FBXO40: variants seen among roughly 807,000 people sequenced by gnomAD.
FBXO40 encodes F-box only protein 40.
Under a neutral mutation model 49.9 loss-of-function variants are expected in FBXO40, and 50 were observed. That is an observed-to-expected ratio of 1.00 (90% CI 0.80 to 1.27). The LOEUF is 1.27. Among genes scored for constraint, FBXO40 ranks in the 50% most tolerant of loss-of-function variants. The probability of loss-of-function intolerance (pLI) is 0.00; values close to 1 mark genes in which losing one functional copy is unlikely to be tolerated. For synonymous variants in FBXO40, 340 were observed against 320.2 expected (o/e 1.06, Z -0.66); for missense variants, 895 against 870.1 (o/e 1.03, Z -0.36).
intron 1 of FBXO40, among the ~76,000 whole-genome samples, chr3:121,610,941 C>A (rs1209782234): frequency 6.6e-6 from 1 of 152,230 alleles, no homozygotes; most frequent in Non-Finnish European, 1.5e-5. Flanking sequence ...AGGTCCCAGT[C>A]AGGAACTGCT....
chr3:121,609,482 C>T (rs2048952870), intron 1 of FBXO40, among the ~76,000 whole-genome samples: 2 of 151,522 alleles, frequency 1.3e-5, no homozygotes, highest in Non-Finnish European at 2.9e-5. Flanking sequence ...GTGGGTTATC[C>T]CGCAACCCTT....
At chr3:121,596,230 C>A (rs1205030494) in intron 1 of FBXO40, among the ~76,000 whole-genome samples, 1 of 152,178 alleles carries the variant, frequency 6.6e-6, no homozygotes, top group Admixed American at 6.5e-5. Context: ...TGCCAACATG[C>A]CTTGGCTGTC....
chr3:121,599,982 C>T (rs1379438829), intron 1 of FBXO40, among the ~76,000 whole-genome samples: 3 of 151,538 alleles, frequency 2.0e-5, no homozygotes, highest in Non-Finnish European at 2.9e-5. Context: ...CTCAGCCTCC[C>T]AAAGTGGTGG....
Position 121,628,127 on chromosome 3 carries a change from C to T in FBXO40, c.*1217C>T, listed in dbSNP as rs2049072950. On this transcript the variant is annotated 3_prime_UTR_variant, in exon 4 of 4. Transcript: ENST00000338040. ...GAAACTGGCATCCCCTAAAGCAGGG[C>T]TTCTTAGCCTTGGAACTATTGACAT... is the stretch of plus-strand genomic sequence containing the variant. The T allele has an allele frequency of 2.5e-6, 1 of 393,286 alleles. No individual in the cohort carries two copies. Among genetic ancestry groups the T allele is most frequent in the Non-Finnish European group, 4.5e-6 (1 of 223,622 alleles). The allele number at this position is 393,286 out of a possible 1,614,324, so 24.4% of individuals were successfully genotyped here. A position where few individuals can be genotyped will look rare whatever the true frequency, so the allele number is the denominator to read the frequency against.
chr3:121,619,918 G>C (rs984665088), intron 1 of FBXO40, among the ~76,000 whole-genome samples: 1 of 152,064 alleles, frequency 6.6e-6, no homozygotes, highest in African/African-American at 2.4e-5. Context: ...AATTAACCAG[G>C]GCTGAGAAAT....
In FBXO40 at chr3:121,623,103, G is replaced by A. The variant is rs1445617864; in HGVS notation, c.1674G>A (p.Lys558=). ...EVAPELSEGR[K]NNHLLGHGGK... is the part of the protein sequence containing the mutation. ...CTCCAGAGCTGAGCGAGGGAAGGAA[G>A]AACAACCATCTTTTGGGTCATGGAG... The change falls in exon 3 of 4, where the codon AAG becomes AAA. Residue 558 remains lysine (K), a synonymous_variant. Transcript: ENST00000338040. The A allele has an allele frequency of 6.2e-7, 1 of 1,614,102 alleles. No homozygotes were observed. Among genetic ancestry groups the A allele is most frequent in the African/African-American group, 1.3e-5 (1 of 74,924 alleles).
At chr3:121,617,317 C>T (rs534565833) in intron 1 of FBXO40, among the ~76,000 whole-genome samples, 13 of 152,190 alleles carry the variant, frequency 8.5e-5, no homozygotes, top group East Asian at 3.9e-4. Context: ...AATTTTGGGC[C>T]GGGCACAGTG....
chr3:121,605,435 A>G (rs973662013), intron 1 of FBXO40, among the ~76,000 whole-genome samples: 2 of 152,158 alleles, frequency 1.3e-5, no homozygotes, highest in African/African-American at 4.8e-5. Flanking sequence ...TTGCAGGACT[A>G]TGGTATGTTG....
Position 121,622,419 on chromosome 3 carries a change from G to A in FBXO40, c.990G>A (p.Lys330=), listed in dbSNP as rs781622778. The A allele has an allele frequency of 1.9e-6, 3 of 1,614,214 alleles. No homozygotes were observed. Among genetic ancestry groups the A allele is most frequent in the Non-Finnish European group, 1.7e-6 (2 of 1,180,040 alleles). The change falls in exon 3 of 4, where the codon AAG becomes AAA. Residue 330 remains lysine, a synonymous_variant. Transcript: ENST00000338040. The stretch of plus-strand genomic sequence containing the variant: ...GTCAGATGCCTGCTTGTACACCCAA[G>A]GAGAGAGACTTTGTTTATGGCAAGC... ...HFGQMPACTP[K]ERDFVYGKLE... is the part of the protein sequence containing the mutation.
At position 121,621,452 on chromosome 3, in the gene FBXO40, C is replaced by T. The variant is rs141957650; in HGVS notation, c.23C>T (p.Pro8Leu). 5.0e-5 allele frequency: 80 copies of T among 1,613,506 alleles called. No individual in the cohort carries two copies. The highest frequency in any genetic ancestry group is 4.5e-4 in the Admixed American group (27 of 60,006). Residue 8 changes from proline (P) to leucine (L), a missense_variant, in exon 3 of 4, where the codon CCG (proline) becomes CTG (leucine). Transcript: ENST00000338040. MGKARRS[P>L]PGHHRHCEGC... ...GTCCAGGGGAAAGCCCGCAGATCCC[C>T]GCCAGGGCACCACAGGCATTGTGAG...
At chr3:121,605,182 C>T (rs1560128067) in intron 1 of FBXO40, among the ~76,000 whole-genome samples, 1 of 152,244 alleles carries the variant, frequency 6.6e-6, no homozygotes, top group African/African-American at 2.4e-5. Context: ...AGTGATTCAT[C>T]CACCTCGGCC....
In FBXO40 at chr3:121,621,666, C is replaced by T. The variant is rs752367403; in HGVS notation, c.237C>T (p.His79=). The change falls in exon 3 of 4, where the codon CAC becomes CAT. Residue 79 remains histidine, a synonymous_variant. Coordinates refer to ENST00000338040, the MANE Select transcript of FBXO40 (RefSeq NM_016298.4). ...EYGCPLSMSR[H]KLAKHLQVCP... ...GCTGCCCTCTGTCCATGTCCCGCCA[C>T]AAACTGGCCAAGCACCTGCAGGTGT... The T allele has an allele frequency of 1.7e-5, 27 of 1,614,224 alleles. No homozygotes were observed. The Admixed American group carries it at 4.5e-4, about 27-fold the overall frequency.
Position 121,610,961 on chromosome 3 carries a change from A to G in FBXO40, c.-30-9585A>G, listed in dbSNP as rs142291595. 4.4e-3 allele frequency among the ~76,000 whole-genome samples: 664 copies of G among 152,280 alleles called. 9 individuals are homozygous for G. The highest frequency in any genetic ancestry group is 0.015 in the African/African-American group (633 of 41,556). On this transcript the variant is annotated intron_variant, in intron 1 of 3. Transcript: ENST00000338040. ...CCAGTCAGGAACTGCTGTACCTCCT[A>G]CTGGATAGATGTCATGCCCCTGGTT... is the stretch of plus-strand genomic sequence containing the variant.
At chr3:121,595,981 G>A (rs760932639) in intron 1 of FBXO40, among the ~76,000 whole-genome samples, 3 of 152,180 alleles carry the variant, frequency 2.0e-5, no homozygotes, top group Admixed American at 6.5e-5. Flanking sequence ...GGTGCTGAGA[G>A]GGCCCCTTGC....
chr3:121,622,507 C>T lies in FBXO40; in HGVS notation c.1078C>T (p.Arg360Ter), dbSNP rs767906927. The T allele has an allele frequency of 1.6e-5, 26 of 1,614,042 alleles. No homozygotes were observed. The highest frequency in any genetic ancestry group is 5.5e-5 in the South Asian group (5 of 91,080). ...FKVPVSYCGK[R>*]ARLGDAMLSC... ...AGTTCCTGTGAGCTACTGTGGAAAG[C>T]GAGCTCGACTTGGAGATGCCATGTT... Residue 360 changes from arginine to a stop codon, truncating the protein, a stop_gained, in exon 3 of 4, where the codon CGA becomes TGA. Transcript: ENST00000338040. LOFTEE classifies it high-confidence loss of function.
At chr3:121,620,724 A>C in intron 2 of FBXO40, 146 bp downstream of exon 2, 1 of 941,328 alleles carries the variant, frequency 1.1e-6, no homozygotes, top group Non-Finnish European at 1.6e-6. Context: ...TGCTGAACAG[A>C]ACTTGGAAGA....
chr3:121,623,353 C>T lies in FBXO40; in HGVS notation c.1914+10C>T. ...GAGAGTCCACAGAGAGGTAAGTAAA[C>T]ACTCATTTATTGATTGACTCATTCA... On this transcript the variant is annotated intron_variant, in intron 3 of 3. Transcript: ENST00000338040. 6.2e-7 allele frequency: 1 copy of T among 1,601,098 alleles called. No individual in the cohort carries two copies. The highest frequency in any genetic ancestry group is 1.3e-5 in the African/African-American group (1 of 74,440).
rs965698766 is a variant in FBXO40, at chr3:121,627,129, T to TTTTTC, written c.*239_*243dup. On this transcript the variant is annotated 3_prime_UTR_variant, in exon 4 of 4. Coordinates refer to ENST00000338040, the MANE Select transcript of FBXO40 (RefSeq NM_016298.4). ...GTGCCACATTGATGACTTGTTTCCTTTTTTCTTTTCTTTTCTTTTCTTTTT... is the reference window on the plus strand; with the variant it reads ...GTGCCACATTGATGACTTGTTTCCTTTTTTCTTTTCTTTTCTTTTCTTTTCTTTTT... 1.1e-4 allele frequency: 59 copies of TTTTTC among 548,180 alleles called. No individual in the cohort carries two copies. The highest frequency in any genetic ancestry group is 1.5e-4 in the East Asian group (5 of 33,408). The allele number at this position is 548,180 out of a possible 1,614,324, so 34.0% of individuals were successfully genotyped here. A position where few individuals can be genotyped will look rare whatever the true frequency, so the allele number is the denominator to read the frequency against.
chr3:121,601,161 A>C (rs1048622194), intron 1 of FBXO40, among the ~76,000 whole-genome samples: 11 of 152,338 alleles, frequency 7.2e-5, no homozygotes, highest in African/African-American at 2.6e-4. Context: ...AGCCATGATT[A>C]GACTATCGAG....
Sources: gnomAD v4.1 joint callset for allele counts (sites outside exome capture counted in the v4.1 genomes callset) on GRCh38, gnomAD v4.1.1 for gene constraint, MANE v1.5 for transcripts, NCBI Gene and HGNC (gene_info 2026-07-23, HGNC 2026-07-21) for gene names.